The following LAMA4 variants were observed in gnomAD, a reference collection of about 807,000 sequenced individuals.
The protein encoded by LAMA4 is laminin subunit alpha-4.
A neutral mutation model predicts 207.1 loss-of-function variants in LAMA4; 127 were observed. That is an observed-to-expected ratio of 0.61 (90% CI 0.53 to 0.71). The LOEUF (loss-of-function observed/expected upper bound fraction) is 0.71, where lower values mean the gene tolerates loss of function less well. Among genes scored for constraint, LAMA4 ranks in the 30% least tolerant of loss-of-function variants. The probability of loss-of-function intolerance (pLI) is 0.00; values close to 1 mark genes in which losing one functional copy is unlikely to be tolerated. For missense variants in LAMA4, 2,093 were observed against 2,246.5 expected, an observed-to-expected ratio of 0.93 and a Z score of 1.38; for synonymous variants, 761 against 816.0, an observed-to-expected ratio of 0.93 and a Z score of 1.15.
chr6:112,218,817 C>G (rs1562746899), intron 2 of LAMA4: 1 of 152,232 alleles, frequency 6.6e-6, no homozygotes. Context: ...AGTCATTTGG[C>G]CCCCCGCCGA....
At chr6:112,166,545 T>G (rs1781392951) in intron 12 of LAMA4, 1 of 153,660 alleles carries the variant, frequency 6.5e-6, no homozygotes, top group Non-Finnish European at 1.5e-5. Context: ...ACCCCTTCTG[T>G]AAGTTCTCTC....
chr6:112,190,944 T>TTTCTTTCCTTCC (rs1783054736), intron 6 of LAMA4, among the ~76,000 whole-genome samples: 16 of 41,650 alleles, frequency 3.8e-4, no homozygotes, highest in African/African-American at 1.4e-3. Context: ...TCTTTCTTTC[T>TTTCTTTCCTTCC]TTCCTTTCTT....
At chr6:112,161,982 A>G (rs1410384670) in intron 13 of LAMA4, 1 of 152,262 alleles carries the variant, frequency 6.6e-6, no homozygotes, top group Non-Finnish European at 1.5e-5. Flanking sequence ...TTTAAGTGCC[A>G]CTGGGGAGTG....
chr6:112,199,473 G>A (rs1783610207), intron 5 of LAMA4, among the ~76,000 whole-genome samples: 1 of 152,142 alleles, frequency 6.6e-6, no homozygotes, highest in South Asian at 2.1e-4. Context: ...CAGTGAGCCA[G>A]AAAATGAGTA....
At chr6:112,191,582 T>G (rs1783122104) in intron 6 of LAMA4, 54 bp downstream of exon 6, 2 of 1,291,902 alleles carry the variant, frequency 1.5e-6, no homozygotes, top group Admixed American at 1.7e-5. Flanking sequence ...AAATTCAGTA[T>G]TGGCAGAGGG....
chr6:112,144,569 AG>A (rs1779900867), intron 19 of LAMA4, among the ~76,000 whole-genome samples: 1 of 152,344 alleles, frequency 6.6e-6, no homozygotes, highest in South Asian at 2.1e-4. Context: ...ACAGGTACTG[AG>A]CCCTTTCTCT....
At chr6:112,241,241 GTATATATATACACAT>G (rs1786488208) in intron 2 of LAMA4, among the ~76,000 whole-genome samples, 1 of 131,948 alleles carries the variant, frequency 7.6e-6, no homozygotes, top group East Asian at 2.3e-4. Flanking sequence ...ATATGAATGT[GTATATATATACACAT>G]TCAGAAATCT....
Position 112,237,432 on chromosome 6 carries a change from T to C in LAMA4, c.195+16524A>G, listed in dbSNP as rs138893516. Among the ~76,000 whole-genome samples the C allele has an allele frequency of 1.1e-3, 165 of 152,320 alleles. 3 individuals carry two copies. The highest frequency in any genetic ancestry group is 3.6e-3 in the African/African-American group (151 of 41,576). ...GCTTGGGAGGCCCCAGCATAGTGGT[T>C]CTCAAATATTTTAGAGCAGAGAATC... On this transcript the variant is annotated intron_variant, in intron 2 of 38. Transcript: ENST00000230538.
chr6:112,195,164 G>A (rs1554350089), intron 5 of LAMA4, among the ~76,000 whole-genome samples: 1 of 152,114 alleles, frequency 6.6e-6, no homozygotes, highest in East Asian at 1.9e-4. Flanking sequence ...AAACTCCTGG[G>A]CTAGGTGGCT....
intron 2 of LAMA4, among the ~76,000 whole-genome samples, chr6:112,239,932 C>T (rs1786266470): frequency 1.3e-5 from 2 of 152,050 alleles, no homozygotes; most frequent in Admixed American, 6.6e-5. Flanking sequence ...GGCATGGTGG[C>T]GGGCACCTGT....
intron 7 of LAMA4, among the ~76,000 whole-genome samples, chr6:112,188,423 A>G (rs1245561218): frequency 1.3e-5 from 2 of 152,188 alleles, no homozygotes; most frequent in Non-Finnish European, 2.9e-5. Flanking sequence ...ACTTGGCATT[A>G]CTTGTGCCTC....
chr6:112,215,843 A>T (rs1364928544), intron 3 of LAMA4, among the ~76,000 whole-genome samples: 1 of 152,234 alleles, frequency 6.6e-6, no homozygotes, highest in Non-Finnish European at 1.5e-5. Context: ...CTGGGGGCTT[A>T]AACACAGACT....
chr6:112,158,830 T>C lies in LAMA4; in HGVS notation c.1719A>G (p.Gln573=), dbSNP rs782237472. The change falls in exon 14 of 39, where the codon CAA becomes CAG. Residue 573 remains glutamine, a synonymous_variant. Transcript: ENST00000230538. The stretch of plus-strand genomic sequence containing the variant: ...GGTTACTTAGGTTAGATAGTTTTAC[T>C]TGTAGTTCACTTTTGGCTCCATCTA... ...AEIDGAKSEL[Q]VKLSNLSNLS... is the part of the protein sequence containing the mutation. 2.3e-5 allele frequency: 37 copies of C among 1,613,176 alleles called. No individual in the cohort carries two copies. Among genetic ancestry groups the C allele is most frequent in the Non-Finnish European group, 2.7e-5 (32 of 1,179,258 alleles).
intron 10 of LAMA4, among the ~76,000 whole-genome samples, chr6:112,177,509 T>C (rs1183293408): frequency 1.3e-5 from 2 of 152,214 alleles, no homozygotes; most frequent in Non-Finnish European, 2.9e-5. Context: ...CAACTATTAG[T>C]GCACTATTAA....
At chr6:112,153,762 G>C (rs1029641203) in intron 16 of LAMA4, among the ~76,000 whole-genome samples, 1 of 152,002 alleles carries the variant, frequency 6.6e-6, no homozygotes, top group Non-Finnish European at 1.5e-5. Context: ...CTAATCCATA[G>C]AGTATGTTCA....
intron 29 of LAMA4, 108 bp from the exon 30 acceptor site, chr6:112,130,148 G>C (rs1230457161): frequency 9.7e-6 from 9 of 929,206 alleles, no homozygotes; most frequent in Non-Finnish European, 1.4e-5. Context: ...GGAACATGTG[G>C]TTAATGAAAA....
At chr6:112,160,785 T>G (rs1333603529) in intron 13 of LAMA4, among the ~76,000 whole-genome samples, 7 of 152,250 alleles carry the variant, frequency 4.6e-5, no homozygotes, top group Admixed American at 1.3e-4. Flanking sequence ...CTGAGTGATC[T>G]CACTTCTTTC....
At chr6:112,228,941 G>A (rs1382957904) in intron 2 of LAMA4, among the ~76,000 whole-genome samples, 2 of 152,162 alleles carry the variant, frequency 1.3e-5, no homozygotes, top group Admixed American at 6.5e-5. Flanking sequence ...AAGACCAGCT[G>A]GCTCTTGATC....
At chr6:112,167,859 C>T in intron 12 of LAMA4, among the ~76,000 whole-genome samples, 1 of 146,218 alleles carries the variant, frequency 6.8e-6, no homozygotes, top group African/African-American at 2.5e-5. Context: ...CACACACACA[C>T]ACACACACAC....
Sources: allele counts gnomAD v4.1 joint callset (sites outside exome capture counted in the v4.1 genomes callset), GRCh38; gene constraint gnomAD v4.1.1; transcripts MANE v1.5; gene names NCBI Gene and HGNC (gene_info 2026-07-23, HGNC 2026-07-21).